The following MYO1E variants were observed in gnomAD, a reference collection of about 807,000 sequenced individuals.
MYO1E encodes myosin IE, also known as unconventional myosin-Ie.
In MYO1E, 68 loss-of-function variants were observed where a neutral mutation model predicts 151.1. The ratio of observed to expected loss-of-function variants is 0.45; its 90% CI spans 0.37 to 0.55. The LOEUF is 0.55. Ranked by LOEUF, MYO1E falls within the 20% of genes least tolerant of loss-of-function variation. MYO1E has a pLI of 0.00. For missense variants in MYO1E, 1,363 were observed against 1,389.3 expected, an observed-to-expected ratio of 0.98 and a Z score of 0.30; for synonymous variants, 601 against 501.7, an observed-to-expected ratio of 1.20 and a Z score of -2.64.
intron 12 of MYO1E, 132 bp from the exon 13 acceptor site, chr15:59,210,732 T>C (rs1372467589): frequency 1.5e-6 from 1 of 669,762 alleles, no homozygotes; most frequent in East Asian, 2.7e-5. Context: ...CCAGGGACTT[T>C]AATTTTTATT....
chr15:59,217,949 T>A lies in MYO1E; in HGVS notation c.1049A>T (p.Tyr350Phe). ...HVTLNVEQAC[Y>F]TRDALAKALH... ...GGCCTTGGCGAGCGCATCCCGGGTG[T>A]AACAGGCCTGCTCTACGTTGAGGGT... Residue 350 changes from tyrosine to phenylalanine, a missense_variant, in exon 10 of 28, where the codon TAC becomes TTC. Transcript: ENST00000288235. The A allele has an allele frequency of 1.2e-6, 2 of 1,614,204 alleles. No homozygotes were observed. The highest frequency in any genetic ancestry group is 1.7e-6 in the Non-Finnish European group (2 of 1,180,030).
At chr15:59,340,335 C>A (rs12900651) in intron 1 of MYO1E, among the ~76,000 whole-genome samples, 27,412 of 151,892 alleles carry the variant, frequency 0.18, 3,242 homozygotes, top group East Asian at 0.49. Flanking sequence ...TTTTAAACCC[C>A]GCCTGATCGT....
intron 12 of MYO1E, 113 bp from the exon 13 acceptor site, chr15:59,210,713 C>T: frequency 1.4e-6 from 1 of 726,952 alleles, no homozygotes; most frequent in South Asian, 1.5e-5. Context: ...GAATGTCCTG[C>T]AACAAAGACC....
chr15:59,332,874 T>C (rs938282082), intron 1 of MYO1E, among the ~76,000 whole-genome samples: 4 of 152,266 alleles, frequency 2.6e-5, no homozygotes, highest in Admixed American at 6.5e-5. Flanking sequence ...TGGGATTCTA[T>C]TGGATGCAGC....
chr15:59,195,412 G>T, intron 17 of MYO1E, 49 bp downstream of exon 17: 1 of 1,493,252 alleles, frequency 6.7e-7, no homozygotes, highest in Non-Finnish European at 9.3e-7. Context: ...CTCATCTTGA[G>T]CAGAGGGAAA....
At chr15:59,347,272 C>T (rs906052683) in intron 1 of MYO1E, among the ~76,000 whole-genome samples, 3 of 152,138 alleles carry the variant, frequency 2.0e-5, no homozygotes, top group African/African-American at 4.8e-5. Flanking sequence ...CCAGGCTGCG[C>T]GCTTCTAATG....
intron 14 of MYO1E, chr15:59,206,620 T>C (rs1429643985): frequency 3.2e-6 from 1 of 314,920 alleles, no homozygotes; most frequent in African/African-American, 2.2e-5. Context: ...AGCATTCATA[T>C]TAAAAATAAA....
chr15:59,342,909 A>G (rs191558226), intron 1 of MYO1E, among the ~76,000 whole-genome samples: 124 of 152,328 alleles, frequency 8.1e-4, no homozygotes, highest in African/African-American at 2.7e-3. Context: ...TAAAAACTCT[A>G]TAATTTTGTC....
At position 59,137,092 on chromosome 15, in the gene MYO1E, T is replaced by C. The variant is rs1013471371; in HGVS notation, c.*288A>G. On this transcript the variant is annotated 3_prime_UTR_variant, in exon 28 of 28. Transcript: ENST00000288235. ...GAAGCCTACAAGGTCTGAGCAGACC[T>C]CACTTGTCCTCTCACCAGGTTTAAA... 1 of 459,268 alleles carries C rather than the reference T, an allele frequency of 2.2e-6. No homozygotes were observed. Among genetic ancestry groups the C allele is most frequent in the Non-Finnish European group, 4.0e-6 (1 of 247,158 alleles). The allele number at this position is 459,268 out of a possible 1,614,324, so 28.4% of individuals were successfully genotyped here.
At chr15:59,364,261 T>C (rs1273163611) in intron 1 of MYO1E, among the ~76,000 whole-genome samples, 1 of 152,206 alleles carries the variant, frequency 6.6e-6, no homozygotes, top group Non-Finnish European at 1.5e-5. Flanking sequence ...AACGCCAGAA[T>C]CCAGGGGGAG....
chr15:59,136,483 G>A lies in MYO1E; in HGVS notation c.*897C>T. ...ACCTAGAAAGCAGTGACACTCCGTA[G>A]TTGGAAAAAAGCAGAGCACATCTTT... is the stretch of plus-strand genomic sequence containing the variant. On this transcript the variant is annotated 3_prime_UTR_variant, in exon 28 of 28. Transcript: ENST00000288235. 3.4e-6 allele frequency: 1 copy of A among 296,904 alleles called. No homozygotes were observed. Among genetic ancestry groups the A allele is most frequent in the Admixed American group, 3.9e-5 (1 of 25,356 alleles). 18.4% of individuals were successfully genotyped at this position (296,904 alleles called of 1,614,324 possible). A position where few individuals can be genotyped will look rare whatever the true frequency, so the allele number is the denominator to read the frequency against.
intron 1 of MYO1E, among the ~76,000 whole-genome samples, chr15:59,275,368 T>A (rs926511304): frequency 1.3e-5 from 2 of 152,064 alleles, no homozygotes; most frequent in East Asian, 3.9e-4. Context: ...AGGTCACATA[T>A]CAGTTTCTGT....
Position 59,138,205 on chromosome 15 carries a change from G to A in MYO1E, c.3243C>T (p.Ile1081=). The A allele has an allele frequency of 1.2e-6, 2 of 1,614,100 alleles. No individual in the cohort carries two copies. The highest frequency in any genetic ancestry group is 1.1e-5 in the South Asian group (1 of 91,062). Residue 1081 remains isoleucine (I), a synonymous_variant, in exon 27 of 28, where the codon ATC becomes ATT. Coordinates refer to ENST00000288235, the MANE Select transcript of MYO1E (RefSeq NM_004998.4). ...SFNANDIIDI[I]KEDPSGWWTG... is the part of the protein sequence containing the mutation. ...AACCAGCCACACACTTACCTTCTTT[G>A]ATAATATCAATAATGTCATTGGCAT... is the stretch of plus-strand genomic sequence containing the variant.
chr15:59,292,837 A>T lies in MYO1E; in HGVS notation c.4-20388T>A, dbSNP rs118097050. On this transcript the variant is annotated intron_variant, in intron 1 of 27. Coordinates refer to ENST00000288235, the MANE Select transcript of MYO1E (RefSeq NM_004998.4). ...TACTACTTCAGGCATCCACATTGCC[A>T]AAGAAGGGACTAAATTTCTACAAGC... Among the ~76,000 whole-genome samples the T allele has an allele frequency of 3.9e-5, 6 of 152,344 alleles. No individual in the cohort carries two copies. In the East Asian group the frequency reaches 1.2e-3, roughly 29 times the overall value.
At chr15:59,218,690 T>C (rs2140346318) in intron 9 of MYO1E, among the ~76,000 whole-genome samples, 1 of 152,270 alleles carries the variant, frequency 6.6e-6, no homozygotes, top group Admixed American at 6.5e-5. Flanking sequence ...TAAAGAACCC[T>C]TGGAAAAGCT....
intron 19 of MYO1E, among the ~76,000 whole-genome samples, chr15:59,174,783 C>G (rs1343526273): frequency 6.6e-6 from 1 of 152,096 alleles, no homozygotes; most frequent in Middle Eastern, 3.4e-3. Flanking sequence ...TCAGGATTCA[C>G]CAAGGACCAG....
intron 2 of MYO1E, chr15:59,266,713 G>A (rs1379339925): frequency 1.4e-5 from 2 of 142,876 alleles, no homozygotes; most frequent in Non-Finnish European, 3.0e-5. Context: ...CCCGGATGGA[G>A]TGCAGTGGTG....
chr15:59,370,532 G>A (rs2080938650), intron 1 of MYO1E, among the ~76,000 whole-genome samples: 1 of 152,130 alleles, frequency 6.6e-6, no homozygotes, highest in South Asian at 2.1e-4. Flanking sequence ...TCGCCTGGGG[G>A]CACACAACAT....
chr15:59,328,485 C>T (rs888284607), intron 1 of MYO1E, among the ~76,000 whole-genome samples: 1 of 152,016 alleles, frequency 6.6e-6, no homozygotes, highest in African/African-American at 2.4e-5. Context: ...ATTTTTACAA[C>T]CTCTATGAAA....
Sources: allele counts gnomAD v4.1 joint callset (sites outside exome capture counted in the v4.1 genomes callset), GRCh38; gene constraint gnomAD v4.1.1; transcripts MANE v1.5; gene names NCBI Gene and HGNC (gene_info 2026-07-23, HGNC 2026-07-21).